CDH18: variants seen among roughly 807,000 people sequenced by gnomAD.
The protein encoded by CDH18 is cadherin-18.
Under a neutral mutation model 67.9 loss-of-function variants are expected in CDH18, and 31 were observed. That is an observed-to-expected ratio of 0.46 (90% CI 0.34 to 0.62). The LOEUF is 0.62. Ranked by LOEUF, CDH18 falls within the 20% of genes least tolerant of loss-of-function variation. CDH18 has a pLI of 0.01. For synonymous variants in CDH18, 362 were observed against 347.2 expected, an observed-to-expected ratio of 1.04 and a Z score of -0.48; for missense variants, 890 against 975.5, an observed-to-expected ratio of 0.91 and a Z score of 1.17.
At chr5:19,795,686 A>C (rs1270673513) in intron 3 of CDH18, among the ~76,000 whole-genome samples, 1 of 152,154 alleles carries the variant, frequency 6.6e-6, no homozygotes, top group Admixed American at 6.6e-5. Context: ...GGAACTAAAA[A>C]GAAAATCACC....
intron 1 of CDH18, among the ~76,000 whole-genome samples, chr5:20,359,329 G>C (rs1741899318): frequency 1.3e-5 from 2 of 152,112 alleles, no homozygotes; most frequent in African/African-American, 4.8e-5. Flanking sequence ...TAAAATAAGA[G>C]TTGTTGCTAA....
intron 7 of CDH18, among the ~76,000 whole-genome samples, chr5:19,572,768 G>A (rs1025687046): frequency 3.3e-5 from 5 of 151,950 alleles, no homozygotes; most frequent in African/African-American, 1.2e-4. Flanking sequence ...ATCACACTGG[G>A]GATTAGATTT....
At chr5:20,555,089 T>C (rs568837439) in intron 1 of CDH18, among the ~76,000 whole-genome samples, 1 of 152,236 alleles carries the variant, frequency 6.6e-6, no homozygotes, top group East Asian at 1.9e-4. Flanking sequence ...TGGGAGGTAA[T>C]TAAGTTTAAA....
At chr5:20,463,555 C>A (rs1447585560) in intron 1 of CDH18, among the ~76,000 whole-genome samples, 1 of 152,102 alleles carries the variant, frequency 6.6e-6, no homozygotes, top group Non-Finnish European at 1.5e-5. Flanking sequence ...ATGCCAGACA[C>A]TTACAAAACC....
chr5:19,738,362 A>C (rs904572603), intron 4 of CDH18, among the ~76,000 whole-genome samples: 2 of 152,200 alleles, frequency 1.3e-5, no homozygotes, highest in Non-Finnish European at 2.9e-5. Flanking sequence ...GCTACATTCC[A>C]AAGCCAAATT....
In CDH18 at chr5:19,977,209, C is replaced by T. The variant is rs146271625; in HGVS notation, c.-257+3851G>A. Among the ~76,000 whole-genome samples, 202 of 152,226 alleles carry T rather than the reference C, an allele frequency of 1.3e-3. 1 individual carries two copies. Among genetic ancestry groups the T allele is most frequent in the African/African-American group, 4.7e-3 (197 of 41,544 alleles). ...AATAAAATGGCACTTCCTTGTGTGT[C>T]AGAAATGAACACATTATTGGGAGTT... On this transcript the variant is annotated intron_variant, in intron 2 of 12. Transcript: ENST00000382275.
chr5:19,917,211 G>A (rs1337780882), intron 2 of CDH18, among the ~76,000 whole-genome samples: 2 of 151,980 alleles, frequency 1.3e-5, no homozygotes, highest in African/African-American at 4.8e-5. Flanking sequence ...TTTTAAAAAA[G>A]GAAAACTTTT....
At chr5:19,503,679 C>T (rs545829223) in intron 10 of CDH18, among the ~76,000 whole-genome samples, 26 of 152,024 alleles carry the variant, frequency 1.7e-4, no homozygotes, top group African/African-American at 5.5e-4. Context: ...CAAGACCTTC[C>T]GTGATTTATG....
In CDH18 at chr5:20,189,781, T is replaced by C. The variant is rs550372854; in HGVS notation, c.-518+65663A>G. 5.9e-5 allele frequency among the ~76,000 whole-genome samples: 9 copies of C among 152,292 alleles called. No homozygotes were observed. In the South Asian group the frequency reaches 1.9e-3, roughly 32 times the overall value. ...AATTTTTTATCTTTCAGTCTTGGTT[T>C]CCTTTTTCATGAAATGTCAATTTTA... is the stretch of plus-strand genomic sequence containing the variant. On this transcript the variant is annotated intron_variant, in intron 2 of 14. Coordinates refer to the CDH18 transcript ENST00000507958.
chr5:20,084,500 C>T (rs1327958933), intron 2 of CDH18, among the ~76,000 whole-genome samples: 1 of 152,138 alleles, frequency 6.6e-6, no homozygotes, highest in Non-Finnish European at 1.5e-5. Context: ...AGGAGAGTGA[C>T]CCTCTTCTCA....
intron 1 of CDH18, among the ~76,000 whole-genome samples, chr5:20,431,905 G>T (rs184342324): frequency 7.9e-5 from 12 of 152,230 alleles, no homozygotes; most frequent in African/African-American, 2.9e-4. Flanking sequence ...TATCCACCAG[G>T]CAGTATCCTT....
At chr5:19,978,822 C>T (rs1798745449) in intron 2 of CDH18, among the ~76,000 whole-genome samples, 1 of 138,400 alleles carries the variant, frequency 7.2e-6, no homozygotes, top group African/African-American at 2.4e-5. Context: ...TTACATTGGA[C>T]GCACCAAGTT....
At chr5:20,441,947 C>T (rs1277260995) in intron 1 of CDH18, among the ~76,000 whole-genome samples, 1 of 151,742 alleles carries the variant, frequency 6.6e-6, no homozygotes, top group Non-Finnish European at 1.5e-5. Flanking sequence ...GTTCCTACAT[C>T]GAGAGAAACA....
At chr5:20,361,909 T>A (rs747993324) in intron 1 of CDH18, among the ~76,000 whole-genome samples, 1 of 152,020 alleles carries the variant, frequency 6.6e-6, no homozygotes, top group Non-Finnish European at 1.5e-5. Flanking sequence ...TTAACTAGGG[T>A]AAGAAAGAAT....
intron 1 of CDH18, among the ~76,000 whole-genome samples, chr5:20,530,196 T>G (rs1756314142): frequency 6.6e-6 from 1 of 151,840 alleles, no homozygotes; most frequent in Admixed American, 6.6e-5. Flanking sequence ...GTGAAGGACC[T>G]CTTCAAGAAC....
rs143213387 is a variant in CDH18, at chr5:19,539,571, A to G, written c.1390+4298T>C. 4.4e-3 allele frequency among the ~76,000 whole-genome samples: 673 copies of G among 152,330 alleles called. 10 individuals are homozygous for G. Among genetic ancestry groups the G allele is most frequent in the African/African-American group, 0.015 (631 of 41,568 alleles). On this transcript the variant is annotated intron_variant, in intron 9 of 12. Transcript: ENST00000382275. ...AGTTGATTCTCTTTTCTGAAGAATT[A>G]GCTCAATGCCTTTGTATTAGTCTGT...
At chr5:20,159,051 T>A (rs530312472) in intron 2 of CDH18, 1 of 153,304 alleles carries the variant, frequency 6.5e-6, no homozygotes, top group South Asian at 2.1e-4. Context: ...ATGATGTGAA[T>A]GAAAGTTATT....
chr5:20,387,643 G>A (rs1744424346), intron 1 of CDH18, among the ~76,000 whole-genome samples: 1 of 152,010 alleles, frequency 6.6e-6, no homozygotes, highest in African/African-American at 2.4e-5. Flanking sequence ...CCTGTCTTGT[G>A]CCAGTTTTCA....
At chr5:20,403,180 A>T (rs1745925844) in intron 1 of CDH18, among the ~76,000 whole-genome samples, 1 of 152,230 alleles carries the variant, frequency 6.6e-6, no homozygotes, top group African/African-American at 2.4e-5. Context: ...TCTTAAAGGC[A>T]TCAAGAATGG....
Sources: allele counts gnomAD v4.1 joint callset (sites outside exome capture counted in the v4.1 genomes callset), GRCh38; gene constraint gnomAD v4.1.1; transcripts MANE v1.5; gene names NCBI Gene and HGNC (gene_info 2026-07-23, HGNC 2026-07-21).